GBP5: variants seen among roughly 807,000 people sequenced by gnomAD.
GBP5 encodes the protein guanylate-binding protein 5.
Under a neutral mutation model 58.2 loss-of-function variants are expected in GBP5, and 48 were observed. That is an observed-to-expected ratio of 0.83 (90% CI 0.65 to 1.05). GBP5 has a LOEUF of 1.05. GBP5 is among the 50% of genes least tolerant of loss of function. GBP5 has a pLI of 0.00. For synonymous variants in GBP5, 248 were observed against 251.8 expected (o/e 0.98, Z 0.14); for missense variants, 714 against 686.8 (o/e 1.04, Z -0.44).
At chr1:89,267,626 A>C in intron 4 of GBP5, 100 bp from the exon 5 acceptor site, 2 of 715,772 alleles carry the variant, frequency 2.8e-6, no homozygotes, top group South Asian at 3.2e-5. Context: ...AGACAAAAGA[A>C]AAAGATTGTT....
At chr1:89,263,335 C>A in intron 9 of GBP5, 1 of 172,566 alleles carries the variant, frequency 5.8e-6, no homozygotes, top group Non-Finnish European at 1.3e-5. Flanking sequence ...ATTCTGAATG[C>A]ATCTATACTT....
intron 8 of GBP5, 68 bp from the exon 9 acceptor site, chr1:89,264,016 A>G (rs1233376642): frequency 2.5e-5 from 24 of 978,844 alleles, no homozygotes; most frequent in Non-Finnish European, 3.8e-5. Flanking sequence ...AATAATTCTG[A>G]AAAAGAATCT....
intron 9 of GBP5, 138 bp from the exon 10 acceptor site, chr1:89,262,923 T>C: frequency 1.8e-6 from 1 of 566,320 alleles, no homozygotes. Flanking sequence ...ATAGGAGAGG[T>C]GGAGCCTATA....
At position 89,257,962 on chromosome 1, in the gene GBP5, G is replaced by T. The variant is rs1161886591; in HGVS notation, c.*2742C>A. ...TTGCTTTTCATTACATTTAAAACTA[G>T]ATCAGTTGATTTCACAACAGTAAGA... On this transcript the variant is annotated 3_prime_UTR_variant, in exon 12 of 12. Transcript: ENST00000370459. 1.3e-5 allele frequency among the ~76,000 whole-genome samples: 2 copies of T among 152,188 alleles called. No individual in the cohort carries two copies. The highest frequency in any genetic ancestry group is 4.8e-5 in the African/African-American group (2 of 41,452).
At position 89,257,980 on chromosome 1, in the gene GBP5, C is replaced by T. The variant is rs1311680165; in HGVS notation, c.*2724G>A. Among the ~76,000 whole-genome samples, 1 of 152,200 alleles carries T rather than the reference C, an allele frequency of 6.6e-6. No individual in the cohort carries two copies. The highest frequency in any genetic ancestry group is 1.5e-5 in the Non-Finnish European group (1 of 68,034). On this transcript the variant is annotated 3_prime_UTR_variant, in exon 12 of 12. Coordinates refer to ENST00000370459, the MANE Select transcript of GBP5 (RefSeq NM_052942.5). ...AAAACTAGATCAGTTGATTTCACAA[C>T]AGTAAGACAAAGAAAGTCAGAAAAT...
Position 89,263,922 on chromosome 1 carries a change from G to A in GBP5, c.1176C>T (p.Asp392=), listed in dbSNP as rs1289269307. The change falls in exon 9 of 12, where the codon GAC becomes GAT. Residue 392 remains aspartate (D), a synonymous_variant. Transcript: ENST00000370459. ...ATGCTTCCAGGTTCCGTTTACAAAT[G>A]TCATTCTGTTTTGCATCTAGTAGAG... The part of the protein sequence containing the change: ...LETLLDAKQN[D]ICKRNLEASS... 6.2e-7 allele frequency: 1 copy of A among 1,610,938 alleles called. No individual in the cohort carries two copies.
rs901472177 is a variant in GBP5 at position 89,256,258 on chromosome 1, C to T, written c.*4446G>A. Reference sequence around the variant, plus strand: ...TAAAAGAATACAAACAATGTAATTCCATTTAAATAAAGTTTGAAAACAGGC... The same window carrying T: ...TAAAAGAATACAAACAATGTAATTCTATTTAAATAAAGTTTGAAAACAGGC... On this transcript the variant is annotated 3_prime_UTR_variant, in exon 12 of 12. Coordinates refer to ENST00000370459, the MANE Select transcript of GBP5 (RefSeq NM_052942.5). Among the ~76,000 whole-genome samples the T allele has an allele frequency of 5.3e-5, 8 of 151,918 alleles. No individual in the cohort carries two copies. The highest frequency in any genetic ancestry group is 1.0e-4 in the Non-Finnish European group (7 of 67,976).
Position 89,260,649 on chromosome 1 carries a change from C to G in GBP5, c.*55G>C. On this transcript the variant is annotated 3_prime_UTR_variant, in exon 12 of 12. Coordinates refer to ENST00000370459, the MANE Select transcript of GBP5 (RefSeq NM_052942.5). ...TGTCCCAAGGTCTACAGTTTCTTTT[C>G]TGTTGTGTCATCAGTGACAAAGAGT... is the stretch of plus-strand genomic sequence containing the variant. 1 of 1,041,918 alleles carries G rather than the reference C, an allele frequency of 9.6e-7. No individual in the cohort carries two copies. The highest frequency in any genetic ancestry group is 1.3e-5 in the South Asian group (1 of 74,366). 64.5% of individuals were successfully genotyped at this position (1,041,918 alleles called of 1,614,324 possible).
rs1570408497 is a variant in GBP5, at chr1:89,260,477, T to C, written c.*227A>G. The C allele has an allele frequency of 2.4e-5, 10 of 420,650 alleles. No homozygotes were observed. In the East Asian group the frequency reaches 4.2e-4, roughly 18 times the overall value. The allele number at this position is 420,650 out of a possible 1,614,324, so 26.1% of individuals were successfully genotyped here. Reference sequence around the variant, plus strand: ...GAAGGCAGTGATACAATGTCCCTTATACAATTTATAATCTCTTAAAGGAAG... The same window carrying C: ...GAAGGCAGTGATACAATGTCCCTTACACAATTTATAATCTCTTAAAGGAAG... On this transcript the variant is annotated 3_prime_UTR_variant, in exon 12 of 12. Coordinates refer to ENST00000370459, the MANE Select transcript of GBP5 (RefSeq NM_052942.5).
chr1:89,263,684 T>G (rs1650095739), intron 9 of GBP5, 52 bp downstream of exon 9: 5 of 1,331,404 alleles, frequency 3.8e-6, no homozygotes, highest in Non-Finnish European at 5.4e-6. Context: ...TCTCACTGGT[T>G]TTACAAAGAG....
rs908412086 is a variant in GBP5, at chr1:89,272,505, G to C, written c.-181C>G. ...TCACTGACTTCAAGAATGAAGCCGC[G>C]GACCCTAGCGTTGAGTGTCACGGTT... On this transcript the variant is annotated 5_prime_UTR_variant, in exon 1 of 12. Coordinates refer to ENST00000370459, the MANE Select transcript of GBP5 (RefSeq NM_052942.5). 1.2e-5 allele frequency: 2 copies of C among 171,218 alleles called. No homozygotes were observed. Among genetic ancestry groups the C allele is most frequent in the Admixed American group, 6.4e-5 (1 of 15,562 alleles). The allele number at this position is 171,218 out of a possible 1,614,324, so 10.6% of individuals were successfully genotyped here.
At chr1:89,262,897 C>T (rs1161077700) in intron 9 of GBP5, 112 bp from the exon 10 acceptor site, 276 of 657,780 alleles carry the variant, frequency 4.2e-4, no homozygotes, top group Non-Finnish European at 5.5e-5. Context: ...GAGAGGCTTG[C>T]CATAGGAGAG....
rs141807351 is a variant in GBP5 at position 89,266,743 on chromosome 1, T to C, written c.626-155A>G. Among the ~76,000 whole-genome samples, 83 of 152,198 alleles carry C rather than the reference T, an allele frequency of 5.5e-4. No individual in the cohort carries two copies. In the East Asian group the frequency reaches 0.014, roughly 25 times the overall value. ...CAAAATGGTAACTAATCAGGGAAAG[T>C]AAAAAAGAAAATTTGTTCTAAGAAT... On this transcript the variant is annotated intron_variant, in intron 6 of 11. Transcript: ENST00000370459.
intron 5 of GBP5, 88 bp from the exon 6 acceptor site, chr1:89,267,241 C>G: frequency 8.5e-7 from 1 of 1,178,544 alleles, no homozygotes; most frequent in South Asian, 1.5e-5. Flanking sequence ...TTTATTTTCC[C>G]CTACGAGTCT....
In GBP5 at chr1:89,267,526, C is replaced by T; in HGVS notation, c.319G>A (p.Ala107Thr). The change falls in exon 5 of 12, where the codon GCT (alanine) becomes ACT (threonine). Residue 107 changes from alanine to threonine, a missense_variant and splice_region_variant. Ala to Thr is a moderately conservative substitution (Grantham distance 58). Coordinates refer to ENST00000370459, the MANE Select transcript of GBP5 (RefSeq NM_052942.5). The part of the protein sequence containing the change: ...DTEGLGDVEK[A>T]DNKNDIQIFA... ...ATCTGGATATCATTCTTGTTGTCAG[C>T]CTAGAAGTCAGACCAAATTTAAGTC... 6.2e-7 allele frequency: 1 copy of T among 1,609,146 alleles called. No individual in the cohort carries two copies. The highest frequency in any genetic ancestry group is 1.1e-5 in the South Asian group (1 of 90,970).
chr1:89,269,737 G>C, intron 2 of GBP5, 163 bp from the exon 3 acceptor site: 3 of 479,498 alleles, frequency 6.3e-6, no homozygotes, highest in Middle Eastern at 5.5e-4. Flanking sequence ...AAAATAGAGA[G>C]ACTTTATTTT....
At position 89,272,549 on chromosome 1, in the gene GBP5, G is replaced by C. The variant is rs2147309; in HGVS notation, c.-225C>G. The C allele has an allele frequency of 0.47, 74,749 of 157,682 alleles. 18,662 individuals carry two copies. Among genetic ancestry groups the C allele is most frequent in the Middle Eastern group, 0.62 (206 of 330 alleles). 9.8% of individuals were successfully genotyped at this position (157,682 alleles called of 1,614,324 possible). A position where few individuals can be genotyped will look rare whatever the true frequency, so the allele number is the denominator to read the frequency against. On this transcript the variant is annotated 5_prime_UTR_variant, in exon 1 of 12. Transcript: ENST00000370459. ...CACGGTTCTTAAAGGTGGCGTGTCA[G>C]GAGTTTGCTCCTTCTGATGTTCGGA...
rs776012192 is a variant in GBP5 at position 89,260,798 on chromosome 1, C to T, written c.1667G>A (p.Ser556Asn). The T allele has an allele frequency of 1.7e-5, 28 of 1,613,730 alleles. No individual in the cohort carries two copies. The highest frequency in any genetic ancestry group is 2.3e-5 in the Non-Finnish European group (27 of 1,179,746). The part of the protein sequence containing the change: ...QQMQEQAAQL[S>N]TTFQAQNRSL... ...TCTATTTTGAGCTTGGAATGTTGTG[C>T]TGAGCTGTGCAGCCTGTTCCTAAAG... Residue 556 changes from serine to asparagine, a missense_variant, in exon 12 of 12, where the codon AGC becomes AAC. Physicochemically the swap from Ser to Asn is conservative, Grantham distance 46. Coordinates refer to ENST00000370459, the MANE Select transcript of GBP5 (RefSeq NM_052942.5).
intron 10 of GBP5, 135 bp downstream of exon 10, chr1:89,262,548 G>T: frequency 1.1e-6 from 1 of 905,068 alleles, no homozygotes; most frequent in East Asian, 2.6e-5. Context: ...GATCATGCCA[G>T]TCAGATATGC....
Sources: gnomAD v4.1 joint callset for allele counts (sites outside exome capture counted in the v4.1 genomes callset) on GRCh38, gnomAD v4.1.1 for gene constraint, MANE v1.5 for transcripts, NCBI Gene and HGNC (gene_info 2026-07-23, HGNC 2026-07-21) for gene names.